The following PTPRT variants were observed in gnomAD, a reference collection of about 807,000 sequenced individuals.
PTPRT encodes receptor-type tyrosine-protein phosphatase T.
A neutral mutation model predicts 176.8 loss-of-function variants in PTPRT; 56 were observed. The ratio of observed to expected loss-of-function variants is 0.32; its 90% CI spans 0.26 to 0.40. The LOEUF is 0.40. PTPRT is among the 10% of genes least tolerant of loss of function. PTPRT has a pLI of 1.00. For missense variants in PTPRT, 1,540 were observed against 1,908.2 expected, an observed-to-expected ratio of 0.81 and a Z score of 3.60; for synonymous variants, 783 against 739.0, an observed-to-expected ratio of 1.06 and a Z score of -0.96.
intron 1 of PTPRT, among the ~76,000 whole-genome samples, chr20:43,103,906 A>G (rs2012494170): frequency 6.6e-6 from 1 of 152,194 alleles, no homozygotes; most frequent in Non-Finnish European, 1.5e-5. Context: ...ATAAGATTTT[A>G]ACTTCTATCT....
intron 1 of PTPRT, among the ~76,000 whole-genome samples, chr20:43,154,457 C>T (rs1413834603): frequency 1.3e-5 from 2 of 152,150 alleles, no homozygotes; most frequent in Admixed American, 6.5e-5. Context: ...TAGTGTGATG[C>T]CTCCAGCTTT....
At chr20:42,927,039 G>A (rs1286247735) in intron 1 of PTPRT, among the ~76,000 whole-genome samples, 1 of 152,202 alleles carries the variant, frequency 6.6e-6, no homozygotes, top group Non-Finnish European at 1.5e-5. Context: ...CATGGGTTGG[G>A]ATGTGCAGGT....
chr20:42,255,596 T>A (rs561741206), intron 13 of PTPRT, among the ~76,000 whole-genome samples: 35 of 152,290 alleles, frequency 2.3e-4, no homozygotes, highest in African/African-American at 7.9e-4. Flanking sequence ...CAGGCTTGCA[T>A]CTGGATGACT....
intron 2 of PTPRT, among the ~76,000 whole-genome samples, chr20:42,853,028 G>A (rs1242662006): frequency 6.6e-6 from 1 of 152,218 alleles, no homozygotes; most frequent in Non-Finnish European, 1.5e-5. Flanking sequence ...TCAGAAGCTA[G>A]ATGATGAAGC....
intron 1 of PTPRT, among the ~76,000 whole-genome samples, chr20:43,045,654 G>A (rs1439595718): frequency 2.0e-5 from 3 of 146,984 alleles, no homozygotes; most frequent in African/African-American, 7.7e-5. Flanking sequence ...GTAAAGACAG[G>A]GTCTCACTAT....
chr20:43,091,172 G>A (rs1272184304), intron 1 of PTPRT, among the ~76,000 whole-genome samples: 1 of 152,092 alleles, frequency 6.6e-6, no homozygotes, highest in Non-Finnish European at 1.5e-5. Flanking sequence ...AGCGGAGGTT[G>A]CAGTGAGCCA....
chr20:43,162,607 A>G (rs2014728136), intron 1 of PTPRT, among the ~76,000 whole-genome samples: 1 of 152,212 alleles, frequency 6.6e-6, no homozygotes, highest in East Asian at 1.9e-4. Context: ...TTGAAGACAA[A>G]GAATGGAAGG....
chr20:43,149,006 G>A (rs1301212405), intron 1 of PTPRT, among the ~76,000 whole-genome samples: 2 of 152,046 alleles, frequency 1.3e-5, no homozygotes, highest in East Asian at 1.9e-4. Flanking sequence ...CAGAATAACT[G>A]GGGGAAAGAA....
rs78058666 is a variant in PTPRT, at chr20:42,761,441, A to T, written c.685-4805T>A. Among the ~76,000 whole-genome samples, 140 of 151,776 alleles carry T rather than the reference A, an allele frequency of 9.2e-4. 3 individuals are homozygous for T. In the East Asian group the frequency reaches 0.022, roughly 23 times the overall value. ...AAGAGAGAAATTCCATCTCAAAAAA[A>T]AAAAAATAAAACAAATAAAAAAGTG... On this transcript the variant is annotated intron_variant, in intron 5 of 30. Transcript: ENST00000373187.
intron 2 of PTPRT, among the ~76,000 whole-genome samples, chr20:42,831,582 G>C (rs2078089674): frequency 6.6e-6 from 1 of 152,140 alleles, no homozygotes; most frequent in Admixed American, 6.5e-5. Context: ...TATCAACAGA[G>C]TAAACAGACA....
chr20:42,538,156 C>T (rs1478280298), intron 7 of PTPRT, among the ~76,000 whole-genome samples: 2 of 151,906 alleles, frequency 1.3e-5, no homozygotes, highest in Non-Finnish European at 2.9e-5. Context: ...AAAACAAATA[C>T]ACATCTGCTT....
chr20:42,928,059 G>C (rs564013052), intron 1 of PTPRT, among the ~76,000 whole-genome samples: 1 of 152,294 alleles, frequency 6.6e-6, no homozygotes, highest in East Asian at 1.9e-4. Context: ...AAACTGGGAC[G>C]GGGTAAGGAG....
intron 1 of PTPRT, among the ~76,000 whole-genome samples, chr20:43,091,168 G>A (rs2011832041): frequency 6.6e-6 from 1 of 152,124 alleles, no homozygotes; most frequent in African/African-American, 2.4e-5. Context: ...GAAAAGCGGA[G>A]GTTGCAGTGA....
intron 16 of PTPRT, among the ~76,000 whole-genome samples, chr20:42,192,664 G>A (rs748781849): frequency 2.0e-5 from 3 of 152,278 alleles, no homozygotes; most frequent in East Asian, 1.9e-4. Flanking sequence ...GTGGCTCTTC[G>A]TGTAGGCTTC....
At chr20:42,404,807 T>C (rs1038707324) in intron 9 of PTPRT, among the ~76,000 whole-genome samples, 35 of 151,820 alleles carry the variant, frequency 2.3e-4, no homozygotes, top group African/African-American at 8.2e-4. Context: ...ATAGACATCT[T>C]GAAAAACGTA....
chr20:42,702,836 T>C (rs2075994585), intron 6 of PTPRT, among the ~76,000 whole-genome samples: 1 of 152,226 alleles, frequency 6.6e-6, no homozygotes, highest in Admixed American at 6.5e-5. Context: ...TAACACAGTT[T>C]ATACTTCCCT....
chr20:42,562,577 A>G (rs1801317417), intron 7 of PTPRT, among the ~76,000 whole-genome samples: 1 of 152,200 alleles, frequency 6.6e-6, no homozygotes, highest in South Asian at 2.1e-4. Context: ...TTATGTGGGA[A>G]TGTTTATAGA....
At chr20:42,583,692 A>G (rs1253925147) in intron 7 of PTPRT, among the ~76,000 whole-genome samples, 1 of 152,254 alleles carries the variant, frequency 6.6e-6, no homozygotes, top group African/African-American at 2.4e-5. Context: ...ATGGCTTATT[A>G]CACAGATTTA....
intron 12 of PTPRT, among the ~76,000 whole-genome samples, chr20:42,283,474 A>G (rs2057174703): frequency 6.6e-6 from 1 of 152,166 alleles, no homozygotes; most frequent in Admixed American, 6.6e-5. Flanking sequence ...AGGAAAGGTT[A>G]GGAGGCCATA....
Sources: allele counts gnomAD v4.1 joint callset (sites outside exome capture counted in the v4.1 genomes callset), GRCh38; gene constraint gnomAD v4.1.1; transcripts MANE v1.5; gene names NCBI Gene and HGNC (gene_info 2026-07-23, HGNC 2026-07-21).